Variants in SUMF1 observed in about 807,000 individuals in gnomAD.
SUMF1 encodes formylglycine-generating enzyme.
Under a neutral mutation model 47.6 loss-of-function variants are expected in SUMF1, and 48 were observed. The observed-to-expected ratio is 1.01, with a 90% CI of 0.80 to 1.28. SUMF1 has a LOEUF of 1.28. Among genes scored for constraint, SUMF1 ranks in the 50% most tolerant of loss-of-function variants. The pLI is 0.00. For synonymous variants in SUMF1, 230 were observed against 192.1 expected, an observed-to-expected ratio of 1.20 and a Z score of -1.63; for missense variants, 571 against 485.4, an observed-to-expected ratio of 1.18 and a Z score of -1.66.
intron 8 of SUMF1, among the ~76,000 whole-genome samples, chr3:4,351,801 A>G (rs1444682159): frequency 6.6e-6 from 1 of 152,114 alleles, no homozygotes; most frequent in African/African-American, 2.4e-5. Context: ...CTAAGCATCA[A>G]CCCTTCAAGT....
At chr3:4,067,054 C>A (rs1159291224) in intron 9 of SUMF1, among the ~76,000 whole-genome samples, 1 of 152,150 alleles carries the variant, frequency 6.6e-6, no homozygotes, top group African/African-American at 2.4e-5. Flanking sequence ...AGTCACCTCA[C>A]TGAATGCAGT....
At chr3:4,185,622 G>A (rs1695185745) in intron 8 of SUMF1, among the ~76,000 whole-genome samples, 1 of 152,018 alleles carries the variant, frequency 6.6e-6, no homozygotes, top group African/African-American at 2.4e-5. Context: ...GTTAATATTT[G>A]GAACCCCAAA....
In SUMF1 at chr3:4,086,215, G is replaced by GAAA. The variant is rs140931896; in HGVS notation, c.1015-17473_1015-17471dup. Reference sequence around the variant, plus strand: ...TGCAGTGTTTATACACTTAGAATCAGAAAAAAAAAAAAAACAGAATTATTG... The same window carrying GAAA: ...TGCAGTGTTTATACACTTAGAATCAGAAAAAAAAAAAAAAAAACAGAATTATTG... On this transcript the variant is annotated intron_variant and NMD_transcript_variant, in intron 8 of 12. Coordinates refer to the SUMF1 transcript ENST00000448413. 2.0e-4 allele frequency among the ~76,000 whole-genome samples: 20 copies of GAAA among 102,326 alleles called. 1 individual carries two copies. Among genetic ancestry groups the GAAA allele is most frequent in the African/African-American group, 3.3e-4 (10 of 30,576 alleles). 67.1% of individuals were successfully genotyped at this position (102,326 alleles called of 152,430 possible).
Position 4,243,171 on chromosome 3 carries a change from T to G in SUMF1, c.1014+133159A>C, listed in dbSNP as rs181706841. Among the ~76,000 whole-genome samples the G allele has an allele frequency of 4.1e-3, 623 of 152,302 alleles. 1 individual carries two copies. The highest frequency in any genetic ancestry group is 0.014 in the Middle Eastern group (4 of 294). ...TCCCTCTTTTGTTCTTTATTAGTCT[T>G]GCTAGTGGTCTATCTATTTTGTTGA... On this transcript the variant is annotated intron_variant and NMD_transcript_variant, in intron 8 of 12. Transcript: ENST00000448413.
intron 8 of SUMF1, among the ~76,000 whole-genome samples, chr3:4,219,679 C>T (rs1696018737): frequency 6.6e-6 from 1 of 152,134 alleles, no homozygotes. Context: ...ATTTACCATG[C>T]AGGCCAGTTT....
chr3:4,328,747 C>T (rs752921919), intron 8 of SUMF1, among the ~76,000 whole-genome samples: 30 of 152,134 alleles, frequency 2.0e-4, no homozygotes, highest in Non-Finnish European at 4.3e-4. Flanking sequence ...TCATGCCTTC[C>T]CAACAGTTCC....
intron 8 of SUMF1, among the ~76,000 whole-genome samples, chr3:4,263,088 G>C (rs1284833420): frequency 2.6e-5 from 4 of 152,202 alleles, no homozygotes; most frequent in East Asian, 3.9e-4. Flanking sequence ...TAAAGAAAAA[G>C]AAAAGCAATG....
intron 8 of SUMF1, among the ~76,000 whole-genome samples, chr3:4,098,841 C>T (rs1362482695): frequency 1.3e-5 from 2 of 152,164 alleles, no homozygotes; most frequent in Admixed American, 6.5e-5. Context: ...CTTCCATTCA[C>T]AGGCCTGAGA....
intron 3 of SUMF1, among the ~76,000 whole-genome samples, chr3:4,440,257 A>AC (rs1284099650): frequency 1.4e-5 from 2 of 143,878 alleles, no homozygotes; most frequent in African/African-American, 5.1e-5. Flanking sequence ...AAAAAAAAAA[A>AC]AAAAAAAGAT....
intron 9 of SUMF1, among the ~76,000 whole-genome samples, chr3:4,062,433 T>C (rs1174656223): frequency 6.6e-6 from 1 of 152,152 alleles, no homozygotes; most frequent in Non-Finnish European, 1.5e-5. Context: ...GTGCAGCTTA[T>C]TGTTATTATC....
chr3:4,392,168 T>C (rs1700890092), intron 7 of SUMF1, among the ~76,000 whole-genome samples: 2 of 152,184 alleles, frequency 1.3e-5, no homozygotes, highest in African/African-American at 2.4e-5. Context: ...TCACTGAATC[T>C]TTCTTCTACC....
chr3:4,404,411 G>C (rs545560404), intron 7 of SUMF1, among the ~76,000 whole-genome samples: 57 of 152,108 alleles, frequency 3.7e-4, no homozygotes, highest in Admixed American at 6.5e-4. Flanking sequence ...TGAACATTAG[G>C]TTAGTTCTCT....
chr3:4,453,137 C>T (rs896337296), intron 1 of SUMF1, 88 bp from the exon 2 acceptor site: 18 of 1,363,500 alleles, frequency 1.3e-5, no homozygotes, highest in Middle Eastern at 2.3e-4. Flanking sequence ...CCAGGAAGCA[C>T]GCAAGTTTGT....
At chr3:4,259,265 A>AAAAT (rs528800570) in intron 8 of SUMF1, among the ~76,000 whole-genome samples, 18 of 152,228 alleles carry the variant, frequency 1.2e-4, no homozygotes, top group Middle Eastern at 3.4e-3. Context: ...AAGTATAATA[A>AAAAT]AAATAAATAA....
At chr3:4,367,786 T>C (rs1435213812) in intron 8 of SUMF1, among the ~76,000 whole-genome samples, 5 of 151,578 alleles carry the variant, frequency 3.3e-5, no homozygotes, top group Non-Finnish European at 7.4e-5. Flanking sequence ...TAGCCATATG[T>C]AGAAAGCTGA....
rs1180394461 is a variant in SUMF1 at position 4,255,157 on chromosome 3, A to T, written c.1014+121173T>A. The stretch of plus-strand genomic sequence containing the variant: ...AACAATCGGTACCAGCCGCTGCAAA[A>T]TCATGCCAAATTGTAAAGACCATCG... On this transcript the variant is annotated intron_variant and NMD_transcript_variant, in intron 8 of 12. Coordinates refer to the SUMF1 transcript ENST00000448413. Among the ~76,000 whole-genome samples the T allele has an allele frequency of 1.3e-5, 2 of 149,220 alleles. 1 individual carries two copies. The highest frequency in any genetic ancestry group is 3.9e-4 in the East Asian group (2 of 5,146).
intron 8 of SUMF1, among the ~76,000 whole-genome samples, chr3:4,126,400 C>T (rs374023805): frequency 7.2e-5 from 11 of 152,188 alleles, no homozygotes; most frequent in African/African-American, 2.4e-4. Flanking sequence ...TCCTTCCTTA[C>T]TCTTCTTTCT....
chr3:4,323,019 T>C (rs1698868879), intron 8 of SUMF1, among the ~76,000 whole-genome samples: 2 of 152,080 alleles, frequency 1.3e-5, no homozygotes, highest in East Asian at 3.8e-4. Context: ...AAACAAAATA[T>C]AGTATCCATA....
chr3:4,180,539 G>C (rs1024457358), intron 8 of SUMF1, among the ~76,000 whole-genome samples: 1 of 151,966 alleles, frequency 6.6e-6, no homozygotes, highest in Non-Finnish European at 1.5e-5. Context: ...ACCAGGGCCT[G>C]TCATGGGGTG....
Sources: allele counts gnomAD v4.1 joint callset (sites outside exome capture counted in the v4.1 genomes callset), GRCh38; gene constraint gnomAD v4.1.1; transcripts MANE v1.5; gene names NCBI Gene and HGNC (gene_info 2026-07-23, HGNC 2026-07-21).